The following NR3C2 variants were observed in gnomAD, a reference collection of about 807,000 sequenced individuals.
NR3C2 encodes the protein nuclear receptor subfamily 3 group C member 2.
In NR3C2, 15 loss-of-function variants were observed where a neutral mutation model predicts 86.4. The observed-to-expected ratio is 0.17, with a 90% CI of 0.12 to 0.27. The LOEUF is 0.27. Ranked by LOEUF, NR3C2 falls within the 10% of genes least tolerant of loss-of-function variation. NR3C2 has a pLI of 1.00. For synonymous variants in NR3C2, 458 were observed against 450.5 expected (o/e 1.02, Z -0.21); for missense variants, 960 against 1,195.6 (o/e 0.80, Z 2.91).
intron 3 of NR3C2, among the ~76,000 whole-genome samples, chr4:148,203,655 C>T (rs1370556802): frequency 1.4e-5 from 2 of 138,034 alleles, no homozygotes; most frequent in South Asian, 2.8e-4. Flanking sequence ...CCATCCCTCC[C>T]CCCGCCCCGC....
At chr4:148,183,806 G>A (rs1177998375) in intron 4 of NR3C2, among the ~76,000 whole-genome samples, 2 of 152,174 alleles carry the variant, frequency 1.3e-5, no homozygotes, top group African/African-American at 4.8e-5. Flanking sequence ...AGTCACCGAG[G>A]ATAAGGCAAC....
intron 2 of NR3C2, among the ~76,000 whole-genome samples, chr4:148,405,797 A>ACTGGCCTTG (rs1293074907): frequency 2.0e-5 from 3 of 152,196 alleles, no homozygotes; most frequent in Admixed American, 2.0e-4. Context: ...GTGCAGTGTC[A>ACTGGCCTTG]CTGGCCTTGC....
intron 2 of NR3C2, among the ~76,000 whole-genome samples, chr4:148,322,308 A>C (rs1054986873): frequency 6.8e-6 from 1 of 146,492 alleles, no homozygotes; most frequent in African/African-American, 2.6e-5. Flanking sequence ...GGCTGCCCTT[A>C]ACATTTTTTC....
At chr4:148,157,539 G>A (rs927977048) in intron 4 of NR3C2, among the ~76,000 whole-genome samples, 10 of 152,112 alleles carry the variant, frequency 6.6e-5, no homozygotes, top group African/African-American at 2.4e-4. Context: ...ATGCGAATAT[G>A]ATGGAGGTAG....
At chr4:148,438,820 T>TA (rs997582405) in intron 1 of NR3C2, among the ~76,000 whole-genome samples, 14 of 152,310 alleles carry the variant, frequency 9.2e-5, no homozygotes, top group African/African-American at 3.4e-4. Context: ...CACTAGAGTT[T>TA]ACCTTCTCAA....
At chr4:148,126,005 G>A (rs1732728425) in intron 6 of NR3C2, among the ~76,000 whole-genome samples, 1 of 152,230 alleles carries the variant, frequency 6.6e-6, no homozygotes, top group African/African-American at 2.4e-5. Flanking sequence ...AAATCAGGAT[G>A]TCTGTGGAGC....
At chr4:148,295,161 C>T (rs1244192568) in intron 2 of NR3C2, among the ~76,000 whole-genome samples, 1 of 151,868 alleles carries the variant, frequency 6.6e-6, no homozygotes, top group Non-Finnish European at 1.5e-5. Flanking sequence ...TTGTATTTTG[C>T]CTGATCTTAG....
At chr4:148,271,504 C>T (rs1223079831) in intron 2 of NR3C2, among the ~76,000 whole-genome samples, 1 of 152,096 alleles carries the variant, frequency 6.6e-6, no homozygotes, top group East Asian at 1.9e-4. Flanking sequence ...TGAACTAGTG[C>T]TGCTCCATGT....
At chr4:148,268,212 T>G (rs1436369628) in intron 2 of NR3C2, among the ~76,000 whole-genome samples, 1 of 152,214 alleles carries the variant, frequency 6.6e-6, no homozygotes, top group Non-Finnish European at 1.5e-5. Context: ...GTGCTAGGAT[T>G]ACAGGCATGA....
chr4:148,333,674 A>G (rs1744342798), intron 2 of NR3C2, among the ~76,000 whole-genome samples: 1 of 152,150 alleles, frequency 6.6e-6, no homozygotes, highest in Non-Finnish European at 1.5e-5. Context: ...TTTTGTATCT[A>G]TAACTGAACC....
intron 3 of NR3C2, among the ~76,000 whole-genome samples, chr4:148,199,413 G>A (rs1736604476): frequency 1.3e-5 from 2 of 152,170 alleles, no homozygotes; most frequent in African/African-American, 4.8e-5. Context: ...ATAGGCATGG[G>A]ATAAGATTCT....
At chr4:148,442,668 G>A, upstream of NR3C2, 2 of 985,492 alleles carry the variant, frequency 2.0e-6, no homozygotes, top group Non-Finnish European at 2.4e-6. Context: ...TCACCAGGCG[G>A]GCGACATGAC....
chr4:148,318,636 G>A (rs1449274172), intron 2 of NR3C2, among the ~76,000 whole-genome samples: 1 of 152,180 alleles, frequency 6.6e-6, no homozygotes, highest in Non-Finnish European at 1.5e-5. Context: ...GTGATGATGA[G>A]CATTTTTTCA....
intron 2 of NR3C2, among the ~76,000 whole-genome samples, chr4:148,274,420 T>C (rs182976828): frequency 1.3e-5 from 2 of 152,214 alleles, no homozygotes; most frequent in Admixed American, 6.5e-5. Context: ...TCCTCATAGG[T>C]TGAGGGTGGG....
chr4:148,409,621 A>G (rs1481355416), intron 2 of NR3C2, among the ~76,000 whole-genome samples: 3 of 152,136 alleles, frequency 2.0e-5, no homozygotes, highest in African/African-American at 2.4e-5. Context: ...ATTATCTCCA[A>G]TTATTAAGAA....
upstream of NR3C2, among the ~76,000 whole-genome samples, chr4:148,443,283 G>C (rs76118349): frequency 4.3e-3 from 531 of 124,852 alleles, 5 homozygotes; most frequent in African/African-American, 0.017. Context: ...AATGAAAGAA[G>C]TGGCAGGGTC....
chr4:148,142,692 C>T lies in NR3C2; in HGVS notation c.2510+9777G>A, dbSNP rs370392925. On this transcript the variant is annotated intron_variant, in intron 6 of 8. Transcript: ENST00000358102. ...TGTATTTTTGGTAGAGACAGGGTTT[C>T]ACCATGTTACCCAGGCTGGTCTTGA... Among the ~76,000 whole-genome samples, 15 of 152,258 alleles carry T rather than the reference C, an allele frequency of 9.9e-5. No individual in the cohort carries two copies. The South Asian group carries it at 1.9e-3, about 19-fold the overall frequency.
chr4:148,337,516 G>C (rs1309054076), intron 2 of NR3C2, among the ~76,000 whole-genome samples: 1 of 152,144 alleles, frequency 6.6e-6, no homozygotes, highest in Non-Finnish European at 1.5e-5. Flanking sequence ...ACATAAAGAA[G>C]AAAAGTTCTT....
rs878872973 is a variant in NR3C2 at position 148,154,424 on chromosome 4, A to G, written c.2365+127T>C. Reference sequence around the variant, plus strand: ...TATACACTTGATCAATTTGTTATCAATTTAAAAAATCTGATATCAGGATTT... The same window carrying G: ...TATACACTTGATCAATTTGTTATCAGTTTAAAAAATCTGATATCAGGATTT... On this transcript the variant is annotated intron_variant, in intron 5 of 8. Coordinates refer to ENST00000358102, the MANE Select transcript of NR3C2 (RefSeq NM_000901.5). 1.7e-5 allele frequency: 15 copies of G among 878,924 alleles called. 1 individual carries two copies. The highest frequency in any genetic ancestry group is 1.6e-4 in the South Asian group (12 of 75,292). The allele number at this position is 878,924 out of a possible 1,614,324, so 54.4% of individuals were successfully genotyped here. A position where few individuals can be genotyped will look rare whatever the true frequency, so the allele number is the denominator to read the frequency against.
Sources: allele counts gnomAD v4.1 joint callset (sites outside exome capture counted in the v4.1 genomes callset), GRCh38; gene constraint gnomAD v4.1.1; transcripts MANE v1.5; gene names NCBI Gene and HGNC (gene_info 2026-07-23, HGNC 2026-07-21).